Variants in INSL6 observed in about 807,000 individuals in gnomAD.
INSL6 encodes the protein insulin-like peptide INSL6.
INSL6 carries 16 observed loss-of-function variants against 9.4 expected under a neutral mutation model. The observed-to-expected ratio is 1.70, with a 90% CI of 1.15 to 2.59. The LOEUF (loss-of-function observed/expected upper bound fraction) is 2.59, where lower values mean the gene tolerates loss of function less well. INSL6 is among the 30% of genes most tolerant of loss of function. The pLI, the probability that INSL6 is intolerant of heterozygous loss-of-function variation, is 0.00. For missense variants in INSL6, 391 were observed against 257.3 expected (o/e 1.52, Z -3.56); for synonymous variants, 154 against 96.9 (o/e 1.59, Z -3.46).
intron 2 of INSL6, among the ~76,000 whole-genome samples, chr9:5,155,686 GCATGTTCTCACT>G (rs1824801582): frequency 1.3e-5 from 2 of 150,246 alleles, no homozygotes; most frequent in Admixed American, 1.3e-4. Flanking sequence ...ACCAAACACC[GCATGTTCTCACT>G]CATAAGTGGG....
At chr9:5,054,432 C>A in the INSL6 span, 7 of 672,044 alleles carry the variant, frequency 1.0e-5, no homozygotes, top group Admixed American at 1.7e-4. This position sits in a 1 kb window ranked among gnomAD's most constrained non-coding sequence, Gnocchi z 4.9. Flanking sequence ...TGTCAACTTA[C>A]GCCACTTGGC....
At chr9:5,049,499 A>T in the INSL6 span, among the ~76,000 whole-genome samples, 65 of 152,170 alleles carry the variant, frequency 4.3e-4, no homozygotes, top group Non-Finnish European at 7.8e-4. Flanking sequence ...TGAAGTTTCA[A>T]ATCTTCCATG....
At chr9:5,072,183 C>T in the INSL6 span, among the ~76,000 whole-genome samples, 9 of 152,234 alleles carry the variant, frequency 5.9e-5, no homozygotes, top group African/African-American at 1.9e-4. Context: ...AAATGATTCC[C>T]ATGTAAGCAA....
At chr9:5,064,049 G>A in the INSL6 span, among the ~76,000 whole-genome samples, 1 of 151,960 alleles carries the variant, frequency 6.6e-6, no homozygotes. Flanking sequence ...CCAGCTTTTT[G>A]GGAGACTGAG....
chr9:5,126,797 A>C (rs1284074113), intron 3 of INSL6: 5 of 1,569,982 alleles, frequency 3.2e-6, no homozygotes, highest in Non-Finnish European at 3.5e-6. Context: ...GATGAAAGAA[A>C]TGACCTTCAT....
chr9:5,145,261 T>C (rs1824579206), intron 2 of INSL6, among the ~76,000 whole-genome samples: 1 of 152,176 alleles, frequency 6.6e-6, no homozygotes, highest in African/African-American at 2.4e-5. Flanking sequence ...GGTTGGAATT[T>C]CTTAAGAATG....
the INSL6 span, among the ~76,000 whole-genome samples, chr9:5,005,412 T>C: frequency 2.6e-5 from 4 of 152,200 alleles, no homozygotes; most frequent in African/African-American, 7.2e-5. Context: ...TTATAGGTTG[T>C]CCCTTCACTC....
At chr9:5,016,824 T>C in the INSL6 span, among the ~76,000 whole-genome samples, 1 of 152,170 alleles carries the variant, frequency 6.6e-6, no homozygotes, top group Non-Finnish European at 1.5e-5. Context: ...TGGAAGGATA[T>C]GGAAGTGAGC....
the INSL6 span, among the ~76,000 whole-genome samples, chr9:4,994,517 A>T: frequency 2.0e-5 from 3 of 152,228 alleles, no homozygotes; most frequent in Non-Finnish European, 4.4e-5. Flanking sequence ...GATTTAAACC[A>T]GGGATTGGCA....
chr9:5,183,428 G>C (rs1164484246), intron 1 of INSL6, among the ~76,000 whole-genome samples: 1 of 152,124 alleles, frequency 6.6e-6, no homozygotes, highest in South Asian at 2.1e-4. Flanking sequence ...TACAAGTCTT[G>C]TTTCATTGCA....
At chr9:5,087,352 G>T in the INSL6 span, among the ~76,000 whole-genome samples, 18 of 152,314 alleles carry the variant, frequency 1.2e-4, no homozygotes, top group Admixed American at 1.2e-3. Context: ...CACGAGAACA[G>T]CATGGAGGAA....
intron 2 of INSL6, among the ~76,000 whole-genome samples, chr9:5,143,711 G>A (rs1824547126): frequency 6.6e-6 from 1 of 150,470 alleles, no homozygotes; most frequent in Non-Finnish European, 1.5e-5. Context: ...CCAGGCTGGA[G>A]TGCAGTGGCA....
At chr9:5,101,334 C>G in the INSL6 span, among the ~76,000 whole-genome samples, 1 of 152,252 alleles carries the variant, frequency 6.6e-6, no homozygotes, top group East Asian at 1.9e-4. Context: ...GGCGGAGGGG[C>G]GTCCGCCATT....
intron 1 of INSL6, among the ~76,000 whole-genome samples, chr9:5,173,963 T>G (rs1439745069): frequency 6.6e-6 from 1 of 152,128 alleles, no homozygotes; most frequent in Non-Finnish European, 1.5e-5. Flanking sequence ...CTTTGCCAAA[T>G]TTTTAAATTC....
At chr9:5,154,275 G>A (rs1824772699) in intron 2 of INSL6, among the ~76,000 whole-genome samples, 1 of 152,242 alleles carries the variant, frequency 6.6e-6, no homozygotes, top group South Asian at 2.1e-4. Context: ...GTCATTTGCA[G>A]AAAGCTGAAG....
chr9:5,108,910 A>G, the INSL6 span: 9 of 152,206 alleles, frequency 5.9e-5, no homozygotes, highest in African/African-American at 1.9e-4. Flanking sequence ...TGCCTAGCAA[A>G]TTCCAACTAC....
downstream of INSL6, among the ~76,000 whole-genome samples, chr9:5,160,716 T>G (rs1824908093): frequency 6.6e-6 from 1 of 151,748 alleles, no homozygotes; most frequent in South Asian, 2.1e-4. Flanking sequence ...AGATAAAAAG[T>G]GACAAGACAC....
chr9:5,105,360 G>A, the INSL6 span, among the ~76,000 whole-genome samples: 5 of 152,056 alleles, frequency 3.3e-5, no homozygotes, highest in Non-Finnish European at 5.9e-5. Context: ...AGATGCGAAG[G>A]ACCTCTGGAC....
the INSL6 span, among the ~76,000 whole-genome samples, chr9:4,997,363 A>G: frequency 6.6e-6 from 1 of 152,180 alleles, no homozygotes; most frequent in South Asian, 2.1e-4. Context: ...GCTTCTGGGG[A>G]GTCCTCCGGG....
Sources: allele counts gnomAD v4.1 joint callset (sites outside exome capture counted in the v4.1 genomes callset), GRCh38; gene constraint gnomAD v4.1.1; non-coding constraint Gnocchi (gnomAD v3.1); transcripts MANE v1.5; gene names NCBI Gene and HGNC (gene_info 2026-07-23, HGNC 2026-07-21).